The following ATOSA variants were observed in gnomAD, a reference collection of about 807,000 sequenced individuals.
The protein encoded by ATOSA is atos homolog A.
chr15:52,649,298 A>G, the ATOSA span, among the ~76,000 whole-genome samples: 1 of 152,200 alleles, frequency 6.6e-6, no homozygotes, highest in South Asian at 2.1e-4. Context: ...AATGTGTCAT[A>G]TATCACTTAA....
the ATOSA span, among the ~76,000 whole-genome samples, chr15:52,604,023 T>C: frequency 5.9e-5 from 9 of 152,236 alleles, no homozygotes; most frequent in African/African-American, 1.2e-4. Flanking sequence ...CTTGAAGTGA[T>C]AGATAATCCA....
the ATOSA span, chr15:52,613,904 G>T: frequency 6.7e-7 from 1 of 1,500,748 alleles, no homozygotes. Flanking sequence ...TGTACTCTTA[G>T]TAAGAACTCA....
chr15:52,707,314 GGCA>G, the ATOSA span, among the ~76,000 whole-genome samples: 2 of 152,250 alleles, frequency 1.3e-5, 1 homozygote, highest in South Asian at 4.2e-4. Context: ...GGAAAAAATA[GGCA>G]GCAAATAGAT....
At chr15:52,702,672 G>C in the ATOSA span, among the ~76,000 whole-genome samples, 2 of 150,310 alleles carry the variant, frequency 1.3e-5, no homozygotes, top group Non-Finnish European at 2.9e-5. Flanking sequence ...TCAGTACCTG[G>C]ATGACAGGAT....
the ATOSA span, among the ~76,000 whole-genome samples, chr15:52,699,229 T>C: frequency 6.6e-6 from 1 of 152,156 alleles, no homozygotes; most frequent in Admixed American, 6.5e-5. Context: ...CTACTTACTC[T>C]CTGCTTTCTT....
the ATOSA span, chr15:52,611,004 C>A: frequency 8.8e-7 from 1 of 1,130,454 alleles, no homozygotes; most frequent in East Asian, 2.5e-5. Context: ...TGAAAAACCT[C>A]AGTAAATTTT....
At chr15:52,667,994 G>T in the ATOSA span, among the ~76,000 whole-genome samples, 1 of 152,218 alleles carries the variant, frequency 6.6e-6, no homozygotes, top group Non-Finnish European at 1.5e-5. Flanking sequence ...ACGGAAAACA[G>T]TATAGACATT....
chr15:52,657,165 C>T, the ATOSA span: 1 of 151,974 alleles, frequency 6.6e-6, no homozygotes, highest in African/African-American at 2.4e-5. Context: ...GGTTTAATTC[C>T]AAGTGCTGTT....
At chr15:52,585,691 A>G in the ATOSA span, among the ~76,000 whole-genome samples, 1 of 152,198 alleles carries the variant, frequency 6.6e-6, no homozygotes. Flanking sequence ...ATTAAATTCA[A>G]TTGTTGCTTG....
the ATOSA span, among the ~76,000 whole-genome samples, chr15:52,592,572 C>T: frequency 6.6e-6 from 1 of 152,166 alleles, no homozygotes; most frequent in South Asian, 2.1e-4. Context: ...CAGAGGTGTC[C>T]AATCTTTTGG....
At chr15:52,632,260 C>T in the ATOSA span, among the ~76,000 whole-genome samples, 1 of 152,246 alleles carries the variant, frequency 6.6e-6, no homozygotes, top group South Asian at 2.1e-4. Context: ...CCTTATTTCT[C>T]TAGTAAGAGA....
chr15:52,598,261 C>T, the ATOSA span, among the ~76,000 whole-genome samples: 15 of 152,278 alleles, frequency 9.9e-5, no homozygotes, highest in African/African-American at 2.2e-4. Flanking sequence ...AGAAAGTTTA[C>T]GAATTTGTGT....
At chr15:52,661,931 C>CAAAAAAAAAAAAAAAAA in the ATOSA span, among the ~76,000 whole-genome samples, 2 of 73,256 alleles carry the variant, frequency 2.7e-5, no homozygotes, top group East Asian at 5.2e-4. Flanking sequence ...CAAGCCAGGC[C>CAAAAAAAAAAAAAAAAA]AAAAAAAAAA....
the ATOSA span, chr15:52,590,726 A>G: frequency 9.2e-5 from 14 of 152,374 alleles, no homozygotes; most frequent in African/African-American, 3.4e-4. Flanking sequence ...AAATTAATTC[A>G]TAGCAGGAAA....
chr15:52,620,649 T>C, the ATOSA span, among the ~76,000 whole-genome samples: 274 of 152,316 alleles, frequency 1.8e-3, 1 homozygote, highest in East Asian at 0.025. Flanking sequence ...TAAGAAAGTT[T>C]ATCTAAAAAT....
the ATOSA span, chr15:52,608,746 A>T: frequency 8.7e-6 from 14 of 1,610,494 alleles, no homozygotes; most frequent in African/African-American, 1.5e-4. Flanking sequence ...ATAATTCTCT[A>T]TGCTATTAAG....
the ATOSA span, chr15:52,629,699 G>A: frequency 5.2e-3 from 1,850 of 356,218 alleles, 27 homozygotes; most frequent in South Asian, 0.02. Context: ...CTACTCGAGA[G>A]GCTGAGGCAG....
the ATOSA span, among the ~76,000 whole-genome samples, chr15:52,630,892 T>C: frequency 1.3e-5 from 2 of 152,280 alleles, no homozygotes; most frequent in East Asian, 1.9e-4. Flanking sequence ...TAGAACACTA[T>C]AGGATGATTC....
At chr15:52,682,500 T>G in the ATOSA span, among the ~76,000 whole-genome samples, 2 of 152,186 alleles carry the variant, frequency 1.3e-5, no homozygotes, top group African/African-American at 4.8e-5. Context: ...GAATGGTTAC[T>G]CAAACATGAA....
Sources: allele counts gnomAD v4.1 joint callset (sites outside exome capture counted in the v4.1 genomes callset), GRCh38; gene constraint gnomAD v4.1.1; transcripts MANE v1.5; gene names NCBI Gene and HGNC (gene_info 2026-07-23, HGNC 2026-07-21).